KLF17: variants seen among roughly 807,000 people sequenced by gnomAD.
The protein encoded by KLF17 is Krueppel-like factor 17.
A neutral mutation model predicts 34.2 loss-of-function variants in KLF17; 31 were observed. That is an observed-to-expected ratio of 0.91 (90% CI 0.68 to 1.22). KLF17 has a LOEUF of 1.22. KLF17 is among the 50% of genes most tolerant of loss of function. KLF17 has a pLI of 0.00. For missense variants in KLF17, 478 were observed against 505.2 expected, an observed-to-expected ratio of 0.95 and a Z score of 0.52; for synonymous variants, 179 against 186.7, an observed-to-expected ratio of 0.96 and a Z score of 0.34.
the KLF17 span, among the ~76,000 whole-genome samples, chr1:44,078,965 A>G: frequency 3.2e-4 from 48 of 152,264 alleles, 1 homozygote; most frequent in East Asian, 8.1e-3. Flanking sequence ...GATTACAGGC[A>G]TGAGACACCG....
chr1:44,130,367 G>A, intron 2 of KLF17, 145 bp from the exon 3 acceptor site: 6 of 1,370,642 alleles, frequency 4.4e-6, no homozygotes, highest in South Asian at 1.3e-5. Context: ...AGATGACTGG[G>A]GCGGGCACTC....
intron 1 of KLF17, among the ~76,000 whole-genome samples, chr1:44,125,758 G>A (rs1014151618): frequency 1.3e-5 from 2 of 152,122 alleles, no homozygotes; most frequent in Admixed American, 6.5e-5. Context: ...ATGAGCCACC[G>A]CACCTGGCCT....
At chr1:44,081,508 C>T in the KLF17 span, among the ~76,000 whole-genome samples, 26 of 151,572 alleles carry the variant, frequency 1.7e-4, no homozygotes, top group African/African-American at 6.1e-4. Flanking sequence ...CTCCACCTCC[C>T]GGGTTCAAGC....
chr1:44,122,068 G>A, intron 1 of KLF17: 1 of 823,706 alleles, frequency 1.2e-6, no homozygotes, highest in Non-Finnish European at 2.0e-6. Context: ...CCACTTTTAT[G>A]TTTATTAAAA....
At position 44,133,682 on chromosome 1, in the gene KLF17, G is replaced by C. The variant is rs1191349844; in HGVS notation, c.*445G>C. 1 of 152,342 alleles carries C rather than the reference G, an allele frequency of 6.6e-6. No homozygotes were observed. The highest frequency in any genetic ancestry group is 1.5e-5 in the Non-Finnish European group (1 of 68,158). The allele number at this position is 152,342 out of a possible 1,614,324, so 9.4% of individuals were successfully genotyped here. A position where few individuals can be genotyped will look rare whatever the true frequency, so the allele number is the denominator to read the frequency against. ...CAGGCTCAAGCCTATCTGGGCCTCTGGGGAAGCCCCACAGCCTTGGCTGTG... is the reference window on the plus strand; with the variant it reads ...CAGGCTCAAGCCTATCTGGGCCTCTCGGGAAGCCCCACAGCCTTGGCTGTG... On this transcript the variant is annotated 3_prime_UTR_variant, in exon 4 of 4. Coordinates refer to ENST00000372299, the MANE Select transcript of KLF17 (RefSeq NM_173484.4).
the KLF17 span, among the ~76,000 whole-genome samples, chr1:44,064,611 A>G: frequency 6.6e-6 from 1 of 152,256 alleles, no homozygotes; most frequent in African/African-American, 2.4e-5. Context: ...GTGATCCATG[A>G]TCACGACTGT....
the KLF17 span, among the ~76,000 whole-genome samples, chr1:44,070,615 T>TTTC: frequency 7.4e-6 from 1 of 134,816 alleles, no homozygotes; most frequent in African/African-American, 2.8e-5. Context: ...TTTTTTTTTT[T>TTTC]TGAGACAGGG....
At chr1:44,056,461 G>A in the KLF17 span, among the ~76,000 whole-genome samples, 1 of 152,082 alleles carries the variant, frequency 6.6e-6, no homozygotes, top group Middle Eastern at 3.2e-3. Flanking sequence ...TGGATTCCTG[G>A]GTTTGAGCTT....
chr1:44,129,167 T>C (rs1345656692), intron 1 of KLF17, among the ~76,000 whole-genome samples, 186 bp from the exon 2 acceptor site: 1 of 152,126 alleles, frequency 6.6e-6, no homozygotes, highest in African/African-American at 2.4e-5. Context: ...ACATTTAGGC[T>C]TCCGTGGGGC....
intron 1 of KLF17, among the ~76,000 whole-genome samples, chr1:44,121,361 C>T (rs1009767655): frequency 9.2e-5 from 14 of 152,140 alleles, no homozygotes; most frequent in Non-Finnish European, 1.3e-4. Flanking sequence ...ATGATCTACC[C>T]GCCTCAGCCT....
At chr1:44,049,951 G>C in the KLF17 span, among the ~76,000 whole-genome samples, 1 of 152,168 alleles carries the variant, frequency 6.6e-6, no homozygotes, top group Non-Finnish European at 1.5e-5. Flanking sequence ...GGTGACTTAA[G>C]TAGGAAAAGA....
chr1:44,119,092 C>G, intron 1 of KLF17, 104 bp downstream of exon 1: 3 of 721,334 alleles, frequency 4.2e-6, no homozygotes, highest in Non-Finnish European at 6.2e-6. Context: ...AGCAGAAACC[C>G]GAGGGGTAGA....
chr1:44,130,392 C>T (rs1416717908), intron 2 of KLF17, 120 bp from the exon 3 acceptor site: 1 of 1,432,926 alleles, frequency 7.0e-7, no homozygotes, highest in Non-Finnish European at 9.6e-7. Context: ...TTGTGTTGCC[C>T]CTCCCTGGTT....
the KLF17 span, among the ~76,000 whole-genome samples, chr1:44,095,622 T>G: frequency 1.7e-3 from 266 of 152,356 alleles, 1 homozygote; most frequent in Non-Finnish European, 2.0e-3. Context: ...ATAAACATTT[T>G]ACCAATATTG....
the KLF17 span, among the ~76,000 whole-genome samples, chr1:44,090,143 AAG>A: frequency 8.1e-3 from 1,212 of 150,314 alleles, 17 homozygotes; most frequent in African/African-American, 0.028. Flanking sequence ...AAAAAAAAAA[AAG>A]AGAGAGAGAC....
the KLF17 span, among the ~76,000 whole-genome samples, chr1:44,100,110 AC>A: frequency 7.2e-6 from 1 of 138,862 alleles, no homozygotes; most frequent in African/African-American, 2.6e-5. Context: ...ACACACACAC[AC>A]ACACAAATTA....
chr1:44,130,617 A>G lies in KLF17; in HGVS notation c.1031A>G (p.Lys344Arg). The G allele has an allele frequency of 6.2e-7, 1 of 1,614,046 alleles. No homozygotes were observed. ...MRVHTRYRPY[K>R]CDQCSREFMR... is the part of the protein sequence containing the mutation. ...GTACACACCAGATATCGACCATATA[A>G]ATGTGATCAGTGCAGCCGGGAGTTC... The change falls in exon 3 of 4, where the codon AAA becomes AGA. Residue 344 changes from lysine to arginine, a missense_variant. Coordinates refer to ENST00000372299, the MANE Select transcript of KLF17 (RefSeq NM_173484.4).
At chr1:44,078,529 C>G in the KLF17 span, among the ~76,000 whole-genome samples, 1 of 151,778 alleles carries the variant, frequency 6.6e-6, no homozygotes, top group Non-Finnish European at 1.5e-5. Flanking sequence ...CCTCCGCCTC[C>G]TGGGTTCAAG....
At chr1:44,093,679 G>A in the KLF17 span, among the ~76,000 whole-genome samples, 3 of 152,204 alleles carry the variant, frequency 2.0e-5, no homozygotes, top group Non-Finnish European at 4.4e-5. Flanking sequence ...ACAGGTGTGA[G>A]CCACCGCACT....
Sources: allele counts gnomAD v4.1 joint callset (sites outside exome capture counted in the v4.1 genomes callset), GRCh38; gene constraint gnomAD v4.1.1; transcripts MANE v1.5; gene names NCBI Gene and HGNC (gene_info 2026-07-23, HGNC 2026-07-21).